The following STK32B variants were observed in gnomAD, a reference collection of about 807,000 sequenced individuals.
The protein encoded by STK32B is serine/threonine-protein kinase 32B.
In STK32B, 43 loss-of-function variants were observed where a neutral mutation model predicts 52.6. The ratio of observed to expected loss-of-function variants is 0.82; its 90% CI spans 0.64 to 1.05. The LOEUF (loss-of-function observed/expected upper bound fraction) is 1.05. STK32B is among the 50% of genes least tolerant of loss of function. The probability of loss-of-function intolerance (pLI) is 0.00; values close to 1 mark genes in which losing one functional copy is unlikely to be tolerated. For synonymous variants in STK32B, 238 were observed against 204.3 expected, an observed-to-expected ratio of 1.17 and a Z score of -1.41; for missense variants, 621 against 534.6, an observed-to-expected ratio of 1.16 and a Z score of -1.59.
intron 1 of STK32B, among the ~76,000 whole-genome samples, chr4:5,123,838 C>A (rs1479139342): frequency 1.1e-5 from 1 of 89,746 alleles, no homozygotes. Context: ...TCCATGACAA[C>A]TATGATTACC....
chr4:5,497,689 C>T (rs1452642608), intron 11 of STK32B, among the ~76,000 whole-genome samples: 1 of 145,116 alleles, frequency 6.9e-6, no homozygotes, highest in Non-Finnish European at 1.5e-5. Flanking sequence ...TTGTTGCAAA[C>T]ACTAGGCATT....
chr4:5,333,711 C>G lies in STK32B; in HGVS notation c.434+2318C>G, dbSNP rs62300011. Among the ~76,000 whole-genome samples the G allele has an allele frequency of 2.0e-5, 3 of 152,132 alleles. No homozygotes were observed. The East Asian group carries it at 5.8e-4, about 29-fold the overall frequency. The stretch of plus-strand genomic sequence containing the variant: ...TCTCCATATGGCTAGCCAGTTTTCC[C>G]AGCACCATTTATTAAATAGGGAATC... On this transcript the variant is annotated intron_variant, in intron 4 of 11. Transcript: ENST00000282908.
rs570205618 is a variant in STK32B at position 5,486,541 on chromosome 4, C to T, written c.1107-12404C>T. On this transcript the variant is annotated intron_variant, in intron 11 of 11. Transcript: ENST00000282908. ...GACTTCTTGCGCTTCCAAGGTGAGGCGATGCCTCGCCCTGCTTTGGCTCAC... is the reference window on the plus strand; with the variant it reads ...GACTTCTTGCGCTTCCAAGGTGAGGTGATGCCTCGCCCTGCTTTGGCTCAC... Among the ~76,000 whole-genome samples the T allele has an allele frequency of 6.6e-5, 10 of 152,360 alleles. 1 individual carries two copies. The highest frequency in any genetic ancestry group is 1.9e-4 in the East Asian group (1 of 5,178).
At chr4:5,091,176 A>G (rs1271450012) in intron 1 of STK32B, among the ~76,000 whole-genome samples, 5 of 152,200 alleles carry the variant, frequency 3.3e-5, no homozygotes, top group Non-Finnish European at 4.4e-5. Flanking sequence ...AGTGCTTCTT[A>G]CTGTTGACTT....
intron 4 of STK32B, among the ~76,000 whole-genome samples, chr4:5,340,173 T>C (rs1483892217): frequency 6.6e-6 from 1 of 152,150 alleles, no homozygotes; most frequent in East Asian, 1.9e-4. Flanking sequence ...GGGAAGAAAA[T>C]GATGAATGAG....
At chr4:5,033,885 C>CT in the STK32B span, among the ~76,000 whole-genome samples, 4 of 152,124 alleles carry the variant, frequency 2.6e-5, no homozygotes, top group Non-Finnish European at 5.9e-5. Flanking sequence ...TCTAAACCAT[C>CT]TTTTTTTGCT....
At chr4:5,442,304 T>G (rs1222546995) in intron 6 of STK32B, among the ~76,000 whole-genome samples, 3 of 152,022 alleles carry the variant, frequency 2.0e-5, no homozygotes, top group African/African-American at 7.2e-5. Context: ...TGGTTGCATA[T>G]ATATTTAGAA....
intron 3 of STK32B, among the ~76,000 whole-genome samples, chr4:5,295,052 C>T (rs6446350): frequency 0.14 from 20,831 of 151,956 alleles, 2,863 homozygotes; most frequent in African/African-American, 0.36. Flanking sequence ...TTGTCATTGG[C>T]TATGTTTATG....
chr4:5,428,839 A>G (rs1713320739), intron 6 of STK32B, among the ~76,000 whole-genome samples: 1 of 152,170 alleles, frequency 6.6e-6, no homozygotes, highest in Admixed American at 6.5e-5. Flanking sequence ...CCCATTTATC[A>G]TTATATAATG....
At chr4:5,275,665 T>C (rs534583495) in intron 3 of STK32B, among the ~76,000 whole-genome samples, 5 of 152,166 alleles carry the variant, frequency 3.3e-5, no homozygotes, top group South Asian at 4.2e-4. Flanking sequence ...TGGTGTGTAG[T>C]GAGTGCTTTG....
At chr4:5,050,145 A>G (rs1397125491), upstream of STK32B, among the ~76,000 whole-genome samples, 2 of 152,140 alleles carry the variant, frequency 1.3e-5, no homozygotes. Flanking sequence ...CACACTGGCT[A>G]CTCAGTGTAT....
chr4:5,213,342 C>G (rs1723011392), intron 3 of STK32B, among the ~76,000 whole-genome samples: 1 of 152,200 alleles, frequency 6.6e-6, no homozygotes, highest in African/African-American at 2.4e-5. Flanking sequence ...ATTCTCCATA[C>G]AGCTGCTGGG....
In STK32B at chr4:5,168,826, C is replaced by A. The variant is rs1177046227; in HGVS notation, c.260+376C>A. ...GATGGCAGGAAGGGCAACTGGAAACCAGTATTCTACTTCAGTACAGATGGC... is the reference window on the plus strand; with the variant it reads ...GATGGCAGGAAGGGCAACTGGAAACAAGTATTCTACTTCAGTACAGATGGC... On this transcript the variant is annotated intron_variant, in intron 3 of 11. Transcript: ENST00000282908. Among the ~76,000 whole-genome samples the A allele has an allele frequency of 2.6e-5, 4 of 152,160 alleles. No homozygotes were observed. In the East Asian group the frequency reaches 7.7e-4, roughly 29 times the overall value.
At chr4:5,326,553 T>C (rs1054507591) in intron 3 of STK32B, among the ~76,000 whole-genome samples, 2 of 152,200 alleles carry the variant, frequency 1.3e-5, no homozygotes, top group Admixed American at 1.3e-4. Flanking sequence ...TGACATTTTT[T>C]CGTTTTCTAG....
At position 5,089,399 on chromosome 4, in the gene STK32B, A is replaced by G. The variant is rs559242601; in HGVS notation, c.52+37484A>G. On this transcript the variant is annotated intron_variant, in intron 1 of 11. Coordinates refer to ENST00000282908, the MANE Select transcript of STK32B (RefSeq NM_018401.3). ...CCCTTCTCTGTGTCCATATATTCTC[A>G]TTGTTCAACTCCCACTTGTGAGTGA... Among the ~76,000 whole-genome samples, 7 of 151,968 alleles carry G rather than the reference A, an allele frequency of 4.6e-5. No individual in the cohort carries two copies. In the South Asian group the frequency reaches 1.5e-3, roughly 32 times the overall value.
intron 1 of STK32B, among the ~76,000 whole-genome samples, chr4:5,127,855 T>C (rs1451758771): frequency 1.3e-5 from 2 of 152,136 alleles, no homozygotes; most frequent in Admixed American, 6.5e-5. Context: ...GGGTGGGTTT[T>C]TCCCAGCTGT....
chr4:5,083,529 C>G (rs990444419), intron 1 of STK32B, among the ~76,000 whole-genome samples: 2 of 152,118 alleles, frequency 1.3e-5, no homozygotes, highest in African/African-American at 4.8e-5. Context: ...CATATAGCCC[C>G]TTACACAGAG....
chr4:5,064,508 A>G, intron 1 of STK32B, among the ~76,000 whole-genome samples: 1 of 66,890 alleles, frequency 1.5e-5, no homozygotes, highest in Non-Finnish European at 3.1e-5. Flanking sequence ...TATATAATAT[A>G]TAAATATATA....
At chr4:5,330,356 G>C (rs1175380690) in intron 3 of STK32B, among the ~76,000 whole-genome samples, 2 of 152,208 alleles carry the variant, frequency 1.3e-5, no homozygotes, top group African/African-American at 4.8e-5. Flanking sequence ...CAGATTCTAT[G>C]TGTTGGCTCT....
Sources: gnomAD v4.1 joint callset for allele counts (sites outside exome capture counted in the v4.1 genomes callset) on GRCh38, gnomAD v4.1.1 for gene constraint, MANE v1.5 for transcripts, NCBI Gene and HGNC (gene_info 2026-07-23, HGNC 2026-07-21) for gene names.